The following POLR3A variants were observed in gnomAD, a reference collection of about 807,000 sequenced individuals.
POLR3A encodes DNA-directed RNA polymerase III subunit RPC1.
A neutral mutation model predicts 152.8 loss-of-function variants in POLR3A; 112 were observed. The observed-to-expected ratio is 0.73, with a 90% CI of 0.63 to 0.86. The LOEUF (loss-of-function observed/expected upper bound fraction) is 0.86. Among genes scored for constraint, POLR3A ranks in the 40% least tolerant of loss-of-function variants. The probability of loss-of-function intolerance (pLI) is 0.00; values close to 1 mark genes in which losing one functional copy is unlikely to be tolerated. For missense variants in POLR3A, 1,385 were observed against 1,743.1 expected (o/e 0.79, Z 3.66); for synonymous variants, 615 against 652.1 (o/e 0.94, Z 0.87).
chr10:78,013,719 A>C lies in POLR3A; in HGVS notation c.1503T>G (p.Asp501Glu). ...GAAGATGAAGGTTCATTTCATCACC[A>C]TCAAAGTCAGCATTATAGGGTGTAC... is the stretch of plus-strand genomic sequence containing the variant. ...CVCTPYNADF[D>E]GDEMNLHLPQ... Residue 501 changes from aspartate (D) to glutamate (E), a missense_variant, in exon 11 of 31, where the codon GAT becomes GAG. Physicochemically the swap from Asp to Glu is conservative, Grantham distance 45 (BLOSUM62 2). This residue lies in a region of POLR3A where 493 missense variants were observed against 647.5 expected (regional missense o/e 0.76). Transcript: ENST00000372371. The C allele has an allele frequency of 6.2e-7, 1 of 1,614,130 alleles. No individual in the cohort carries two copies. The highest frequency in any genetic ancestry group is 8.5e-7 in the Non-Finnish European group (1 of 1,179,964).
At chr10:78,025,559 T>C in intron 3 of POLR3A, 63 bp downstream of exon 3, 1 of 1,569,408 alleles carries the variant, frequency 6.4e-7, no homozygotes, top group Non-Finnish European at 8.8e-7. Context: ...CTAAGTTCAT[T>C]CCAGCATCCC....
chr10:78,023,770 C>T (rs1288780546), intron 5 of POLR3A, among the ~76,000 whole-genome samples: 2 of 151,370 alleles, frequency 1.3e-5, no homozygotes, highest in African/African-American at 4.9e-5. Flanking sequence ...AGAGAGAGAC[C>T]CTGCCTCAAA....
At chr10:78,005,009 A>G in intron 15 of POLR3A, 121 bp from the exon 16 acceptor site, 1 of 765,384 alleles carries the variant, frequency 1.3e-6, no homozygotes, top group Non-Finnish European at 2.3e-6. Context: ...GTATAGTTTA[A>G]AGTATAAAAA....
Position 77,990,453 on chromosome 10 carries a change from G to A in POLR3A, c.2901+601C>T, listed in dbSNP as rs371017269. ...GTAGTAGGCTGGTGTTAGGGACAGCGCTCAAACAAAATCAGCATTTTTCTT... is the reference window on the plus strand; with the variant it reads ...GTAGTAGGCTGGTGTTAGGGACAGCACTCAAACAAAATCAGCATTTTTCTT... On this transcript the variant is annotated intron_variant, in intron 21 of 30. Coordinates refer to ENST00000372371, the MANE Select transcript of POLR3A (RefSeq NM_007055.4). 5.1e-4 allele frequency among the ~76,000 whole-genome samples: 77 copies of A among 152,238 alleles called. No homozygotes were observed. The South Asian group carries it at 6.0e-3, about 12-fold the overall frequency.
At chr10:78,017,902 G>C (rs117530337) in intron 9 of POLR3A, among the ~76,000 whole-genome samples, 186 bp from the exon 10 acceptor site, 3 of 152,094 alleles carry the variant, frequency 2.0e-5, no homozygotes, top group Non-Finnish European at 4.4e-5. Context: ...GGGTGGGCGA[G>C]GTGACTCACT....
chr10:77,995,120 T>C (rs1361860534), intron 19 of POLR3A, among the ~76,000 whole-genome samples: 1 of 152,180 alleles, frequency 6.6e-6, no homozygotes, highest in African/African-American at 2.4e-5. Flanking sequence ...CTGAGAGATT[T>C]TGTCACCACC....
rs902653136 is a variant in POLR3A at position 78,022,379 on chromosome 10, GTT to G, written c.649_650del (p.Asn217LeufsTer11). 1.2e-6 allele frequency: 2 copies of G among 1,613,570 alleles called. No homozygotes were observed. Among genetic ancestry groups the G allele is most frequent in the Non-Finnish European group, 1.7e-6 (2 of 1,179,986 alleles). On this transcript the variant is annotated frameshift_variant, in exon 6 of 31. Transcript: ENST00000372371. LOFTEE classifies it high-confidence loss of function. ...VEPLLGRAQENLNPLVVLNLF... is the reference protein window; with the variant it reads ...VEPLLGRAQEXLNPLVVLNLF... ...AATTCAGAACTACTAAGGGATTCAA[GTT>G]TTCCTATGGAAACGAAGAAAGGCAG...
chr10:78,013,382 A>G (rs1181580569), intron 11 of POLR3A: 5 of 473,810 alleles, frequency 1.1e-5, no homozygotes, highest in African/African-American at 2.0e-5. Flanking sequence ...TTCTCCCAGA[A>G]CCCACATTTA....
intron 8 of POLR3A, 106 bp from the exon 9 acceptor site, chr10:78,019,371 G>GA (rs754358258): frequency 1.7e-4 from 147 of 849,090 alleles, no homozygotes; most frequent in Middle Eastern, 6.6e-4. Context: ...GATTCTAGGA[G>GA]AAAGAGAGGC....
chr10:78,021,747 A>G (rs7068700), intron 7 of POLR3A, 65 bp from the exon 8 acceptor site: 1 of 1,611,194 alleles, frequency 6.2e-7, no homozygotes, highest in Admixed American at 1.7e-5. Context: ...AACAATAAGA[A>G]CGGAGAGACT....
chr10:77,985,733 G>A (rs975759588), intron 23 of POLR3A, among the ~76,000 whole-genome samples, 170 bp downstream of exon 23: 1 of 152,238 alleles, frequency 6.6e-6, no homozygotes, highest in Non-Finnish European at 1.5e-5. Context: ...TTATCTTGGA[G>A]CATTCAGACT....
rs754349141 is a variant in POLR3A, at chr10:77,982,812, G to A, written c.3435C>T (p.Asn1145=). Residue 1145 remains asparagine (N), a synonymous_variant, in exon 27 of 31, where the codon AAC becomes AAT. Coordinates refer to ENST00000372371, the MANE Select transcript of POLR3A (RefSeq NM_007055.4). ...ERIRLLRLEV[N]AETVRYSICT... is the part of the protein sequence containing the mutation. ...AGATGGAATATCTCACTGTCTCAGC[G>A]TTCACCTGCAACATGGCCAGGTGTA... 1.4e-5 allele frequency: 23 copies of A among 1,613,756 alleles called. No homozygotes were observed. Among genetic ancestry groups the A allele is most frequent in the African/African-American group, 9.3e-5 (7 of 74,884 alleles).
At chr10:78,029,180 T>A (rs1847666161) in intron 1 of POLR3A, among the ~76,000 whole-genome samples, 184 bp downstream of exon 1, 1 of 152,020 alleles carries the variant, frequency 6.6e-6, no homozygotes, top group South Asian at 2.1e-4. Context: ...GGTGCTGAAA[T>A]CCCCTCAGCC....
At chr10:77,992,002 C>T (rs1847254295) in intron 20 of POLR3A, among the ~76,000 whole-genome samples, 1 of 152,180 alleles carries the variant, frequency 6.6e-6, no homozygotes, top group African/African-American at 2.4e-5. Context: ...TTCTAGAGGA[C>T]AAAAGGAGTT....
In POLR3A at chr10:77,976,192, C is replaced by T. The variant is rs927591034; in HGVS notation, c.*1286G>A. 18 of 151,072 alleles carry T rather than the reference C, an allele frequency of 1.2e-4. No homozygotes were observed. Among genetic ancestry groups the T allele is most frequent in the African/African-American group, 4.4e-4 (18 of 41,128 alleles). 9.4% of individuals were successfully genotyped at this position (151,072 alleles called of 1,614,324 possible). A position where few individuals can be genotyped will look rare whatever the true frequency, so the allele number is the denominator to read the frequency against. ...TTGCCCAGGCTGGAGTGTAGTGGCA[C>T]GATCTTGGCTCACTACAACCTCCAC... On this transcript the variant is annotated 3_prime_UTR_variant, in exon 31 of 31. Coordinates refer to ENST00000372371, the MANE Select transcript of POLR3A (RefSeq NM_007055.4).
intron 19 of POLR3A, 40 bp from the exon 20 acceptor site, chr10:77,993,407 G>C (rs770165760): frequency 1.3e-6 from 2 of 1,507,042 alleles, no homozygotes; most frequent in South Asian, 1.1e-5. Context: ...GCTTTGAGAA[G>C]ACTAGTCACA....
intron 15 of POLR3A, 62 bp downstream of exon 15, chr10:78,007,640 G>C: frequency 7.0e-7 from 1 of 1,429,514 alleles, no homozygotes; most frequent in Non-Finnish European, 9.9e-7. Context: ...ACAAAATAAC[G>C]TAAACCCTTA....
rs2131961768 is a variant in POLR3A at position 78,025,928 on chromosome 10, A to G, written c.180+166T>C. ...TCTTTTCTAATTTTCATGACTCAGAATCGAATCAGGTTGCTGACTAAAGGC... is the reference window on the plus strand; with the variant it reads ...TCTTTTCTAATTTTCATGACTCAGAGTCGAATCAGGTTGCTGACTAAAGGC... On this transcript the variant is annotated intron_variant, in intron 2 of 30. Transcript: ENST00000372371. Among the ~76,000 whole-genome samples the G allele has an allele frequency of 1.3e-5, 2 of 152,342 alleles. 1 individual carries two copies. Among genetic ancestry groups the G allele is most frequent in the South Asian group, 4.1e-4 (2 of 4,830 alleles).
intron 17 of POLR3A, among the ~76,000 whole-genome samples, chr10:78,001,426 C>A (rs142993925): frequency 8.9e-4 from 135 of 151,904 alleles, no homozygotes; most frequent in Middle Eastern, 6.8e-3. Flanking sequence ...GGGAGGAATT[C>A]CAAAGTGGGT....
Sources: allele counts gnomAD v4.1 joint callset (sites outside exome capture counted in the v4.1 genomes callset), GRCh38; gene constraint gnomAD v4.1.1; regional missense constraint gnomAD v4.1.1; transcripts MANE v1.5; gene names NCBI Gene and HGNC (gene_info 2026-07-23, HGNC 2026-07-21).